Variants in RORA observed in about 807,000 individuals in gnomAD.
RORA encodes nuclear receptor ROR-alpha.
RORA carries 7 observed loss-of-function variants against 69.5 expected under a neutral mutation model. The ratio of observed to expected loss-of-function variants is 0.10; its 90% confidence interval spans 0.06 to 0.19. The LOEUF is 0.19. Among genes scored for constraint, RORA ranks in the 10% least tolerant of loss-of-function variants. The pLI is 1.00. For missense variants in RORA, 457 were observed against 663.0 expected (o/e 0.69, Z 3.41); for synonymous variants, 261 against 240.8 (o/e 1.08, Z -0.78).
chr15:61,205,995 G>A (rs2079937620), intron 1 of RORA, among the ~76,000 whole-genome samples: 1 of 152,120 alleles, frequency 6.6e-6, no homozygotes, highest in Non-Finnish European at 1.5e-5. Context: ...TGCAACATGG[G>A]GTTCATAATT....
intron 4 of RORA, among the ~76,000 whole-genome samples, chr15:60,514,146 G>T (rs1370073609): frequency 6.6e-6 from 1 of 152,148 alleles, no homozygotes; most frequent in African/African-American, 2.4e-5. Flanking sequence ...CAAATATTTG[G>T]CTTTGGCATG....
intron 1 of RORA, among the ~76,000 whole-genome samples, chr15:61,132,592 T>C (rs543652788): frequency 6.6e-6 from 1 of 152,298 alleles, no homozygotes; most frequent in East Asian, 1.9e-4. Context: ...TAATTCCAGT[T>C]GTAAAAAAAT....
chr15:60,672,259 T>C lies in RORA; in HGVS notation c.196+6398A>G, dbSNP rs180778870. Among the ~76,000 whole-genome samples the C allele has an allele frequency of 7.1e-3, 1,074 of 152,282 alleles. 9 individuals carry two copies. The highest frequency in any genetic ancestry group is 9.4e-3 in the Non-Finnish European group (642 of 68,026). On this transcript the variant is annotated intron_variant, in intron 2 of 10. Transcript: ENST00000335670. ...AAGGTAAAAGGAAACCTTGGTCAATTGTAAGAATGACTATGTTGCACTTGG... is the reference window on the plus strand; with the variant it reads ...AAGGTAAAAGGAAACCTTGGTCAATCGTAAGAATGACTATGTTGCACTTGG...
chr15:60,946,087 G>C (rs1230427612), intron 1 of RORA, among the ~76,000 whole-genome samples: 1 of 152,168 alleles, frequency 6.6e-6, no homozygotes, highest in East Asian at 1.9e-4. Flanking sequence ...GTGAAGCCAA[G>C]TGCACCTTTC....
intron 1 of RORA, among the ~76,000 whole-genome samples, chr15:60,790,478 G>A (rs2072399635): frequency 6.6e-6 from 1 of 152,218 alleles, no homozygotes; most frequent in Non-Finnish European, 1.5e-5. Context: ...TTAACATGGT[G>A]TGGCACCATG....
intron 2 of RORA, among the ~76,000 whole-genome samples, chr15:60,554,092 C>T (rs543906056): frequency 5.9e-5 from 9 of 152,268 alleles, no homozygotes; most frequent in African/African-American, 1.4e-4. Flanking sequence ...GTTTTTTCCT[C>T]TCTAACACTG....
At chr15:60,966,387 A>T (rs1435842448) in intron 1 of RORA, among the ~76,000 whole-genome samples, 4 of 152,154 alleles carry the variant, frequency 2.6e-5, no homozygotes, top group African/African-American at 4.8e-5. Flanking sequence ...TTTCTGGAAG[A>T]TGAGTTTTAT....
intron 3 of RORA, chr15:60,528,758 C>G (rs901025235): frequency 6.6e-6 from 1 of 152,156 alleles, no homozygotes; most frequent in Non-Finnish European, 1.5e-5. Flanking sequence ...TGGCATTCTT[C>G]CAGGTACTTT....
intron 1 of RORA, among the ~76,000 whole-genome samples, chr15:60,981,461 C>T (rs988076454): frequency 5.3e-5 from 8 of 152,004 alleles, no homozygotes; most frequent in Admixed American, 2.0e-4. Flanking sequence ...TAATGTCCTC[C>T]GGTCTCCTAG....
intron 1 of RORA, among the ~76,000 whole-genome samples, chr15:61,175,549 A>AAAAAAAAAC: frequency 6.6e-6 from 1 of 151,308 alleles, no homozygotes; most frequent in Non-Finnish European, 1.5e-5. Context: ...TCTAAAAAAA[A>AAAAAAAAAC]AAAAAAAAAA....
chr15:60,971,623 A>C (rs1393572584), intron 1 of RORA, among the ~76,000 whole-genome samples: 3 of 152,174 alleles, frequency 2.0e-5, no homozygotes, highest in African/African-American at 7.2e-5. Flanking sequence ...TCTCGACCTC[A>C]GAACTAACCT....
chr15:60,892,908 G>A (rs1891118296), intron 1 of RORA, among the ~76,000 whole-genome samples: 1 of 152,168 alleles, frequency 6.6e-6, no homozygotes, highest in African/African-American at 2.4e-5. Context: ...CATTGTATCG[G>A]ATTCTATAAT....
intron 1 of RORA, among the ~76,000 whole-genome samples, chr15:60,893,856 A>G (rs540043591): frequency 5.3e-5 from 8 of 152,316 alleles, no homozygotes; most frequent in Non-Finnish European, 1.0e-4. Context: ...TGAGGAAACT[A>G]AAAGTCAGAC....
intron 2 of RORA, among the ~76,000 whole-genome samples, chr15:60,633,988 G>A (rs1022197059): frequency 1.3e-5 from 2 of 152,178 alleles, no homozygotes; most frequent in Non-Finnish European, 2.9e-5. Context: ...ACATGGCTGT[G>A]AAGTTACAAA....
chr15:61,174,403 T>G (rs2140896714), intron 1 of RORA, among the ~76,000 whole-genome samples: 1 of 152,306 alleles, frequency 6.6e-6, no homozygotes, highest in Admixed American at 6.5e-5. Flanking sequence ...AGAAAATTCT[T>G]AATAAGGATC....
At chr15:61,220,349 T>C (rs1005717373) in intron 1 of RORA, among the ~76,000 whole-genome samples, 2 of 152,256 alleles carry the variant, frequency 1.3e-5, no homozygotes, top group African/African-American at 4.8e-5. Flanking sequence ...TATTGTCACA[T>C]GGCCTTTTCA....
Position 60,531,967 on chromosome 15 carries a change from A to G in RORA, c.197-116T>C. On this transcript the variant is annotated intron_variant, in intron 2 of 10. Coordinates refer to ENST00000335670, the MANE Select transcript of RORA (RefSeq NM_134261.3). The surrounding 1 kb of genome is among the most constrained non-coding windows in gnomAD (Gnocchi z 4.8). ...AATAACCTGCTAAACATTATACTGC[A>G]TTAACTATTCATTGCTGAACTGTGA... is the stretch of plus-strand genomic sequence containing the variant. 1.7e-6 allele frequency: 1 copy of G among 600,790 alleles called. No homozygotes were observed. The highest frequency in any genetic ancestry group is 3.2e-5 in the East Asian group (1 of 31,114). 37.2% of individuals were successfully genotyped at this position (600,790 alleles called of 1,614,324 possible).
rs550136189 is a variant in RORA at position 61,125,225 on chromosome 15, G to C, written c.166+103828C>G. On this transcript the variant is annotated intron_variant, in intron 1 of 10. Transcript: ENST00000335670. ...CGTATTATTGTAAAAAGTGCATCTT[G>C]TGAGGGCAAAAGGGATAAGGATACT... 2.6e-5 allele frequency among the ~76,000 whole-genome samples: 4 copies of C among 152,248 alleles called. No individual in the cohort carries two copies. The East Asian group carries it at 7.7e-4, about 29-fold the overall frequency.
At chr15:60,769,829 A>T (rs1405407933) in intron 1 of RORA, among the ~76,000 whole-genome samples, 1 of 151,562 alleles carries the variant, frequency 6.6e-6, no homozygotes. Context: ...ATTTCTTCCA[A>T]CCCTGTTTCC....
Sources: gnomAD v4.1 joint callset for allele counts (sites outside exome capture counted in the v4.1 genomes callset) on GRCh38, gnomAD v4.1.1 for gene constraint, Gnocchi (gnomAD v3.1) non-coding constraint, MANE v1.5 for transcripts, NCBI Gene and HGNC (gene_info 2026-07-23, HGNC 2026-07-21) for gene names.